Variants in SPINDOC observed in about 807,000 individuals in gnomAD.
The protein encoded by SPINDOC is spindlin interactor and repressor of chromatin-binding protein.
A neutral mutation model predicts 30.7 loss-of-function variants in SPINDOC; 13 were observed. The observed-to-expected ratio is 0.42, with a 90% CI of 0.28 to 0.67. SPINDOC has a LOEUF of 0.67. SPINDOC is among the 30% of genes least tolerant of loss of function. SPINDOC has a pLI of 0.22. For missense variants in SPINDOC, 438 were observed against 518.0 expected (o/e 0.85, Z 1.50); for synonymous variants, 228 against 211.4 (o/e 1.08, Z -0.68).
At chr11:63,815,735 G>A (rs1362898474) in intron 1 of SPINDOC, among the ~76,000 whole-genome samples, 1 of 151,970 alleles carries the variant, frequency 6.6e-6, no homozygotes, top group Non-Finnish European at 1.5e-5. Context: ...TGGAGATACA[G>A]ATGCAAAACA....
At chr11:63,824,756 T>C in intron 5 of SPINDOC, among the ~76,000 whole-genome samples, 1 of 124,126 alleles carries the variant, frequency 8.1e-6, no homozygotes, top group African/African-American at 2.6e-5. Flanking sequence ...AGAGCGAGAC[T>C]CCATCTCAAA....
chr11:63,824,173 G>GT (rs989398939), intron 5 of SPINDOC, among the ~76,000 whole-genome samples: 1 of 149,442 alleles, frequency 6.7e-6, no homozygotes, highest in African/African-American at 2.5e-5. Context: ...GCCTCCCAAA[G>GT]TGCTGGGATT....
At chr11:63,826,483 G>A (rs1180016989) in intron 5 of SPINDOC, among the ~76,000 whole-genome samples, 2 of 152,172 alleles carry the variant, frequency 1.3e-5, no homozygotes, top group African/African-American at 2.4e-5. Flanking sequence ...TCCCTCATGA[G>A]CTCCTTGGTG....
chr11:63,813,788 T>G lies in SPINDOC; in HGVS notation c.102T>G (p.Ile34Met). Residue 34 changes from isoleucine to methionine, a missense_variant, in exon 1 of 6, where the codon ATT becomes ATG. Physicochemically the swap from Ile to Met is conservative, Grantham distance 10. Transcript: ENST00000294244. ...DEEEAMVVAV[I>M]PRPEPMLRVT... ...AGGAGGCCATGGTGGTGGCCGTAATTCCGCGGCCCGAGCCGATGCTCAGAG... is the reference window on the plus strand; with the variant it reads ...AGGAGGCCATGGTGGTGGCCGTAATGCCGCGGCCCGAGCCGATGCTCAGAG... 1 of 1,583,168 alleles carries G rather than the reference T, an allele frequency of 6.3e-7. No individual in the cohort carries two copies. The highest frequency in any genetic ancestry group is 8.6e-7 in the Non-Finnish European group (1 of 1,166,140).
At position 63,818,502 on chromosome 11, in the gene SPINDOC, G is replaced by C; in HGVS notation, c.608-25G>C. ...GGTTCGGGGATGGCCTCTTTAAAAGGGTATGAGGTCTTTTCTTTTTGCAGC... is the reference window on the plus strand; with the variant it reads ...GGTTCGGGGATGGCCTCTTTAAAAGCGTATGAGGTCTTTTCTTTTTGCAGC... On this transcript the variant is annotated intron_variant, in intron 3 of 5. Transcript: ENST00000294244. This position sits in a 1 kb window ranked among gnomAD's most constrained non-coding sequence, Gnocchi z 5.3. 1 of 1,609,892 alleles carries C rather than the reference G, an allele frequency of 6.2e-7. No individual in the cohort carries two copies.
intron 5 of SPINDOC, 44 bp from the exon 6 acceptor site, chr11:63,826,884 T>G (rs1590939454): frequency 1.0e-6 from 1 of 952,580 alleles, no homozygotes; most frequent in South Asian, 1.3e-5. Flanking sequence ...CGTGGTGGGG[T>G]GTCTGGGGGG....
intron 5 of SPINDOC, chr11:63,822,522 G>C: frequency 1.1e-6 from 1 of 937,044 alleles, no homozygotes; most frequent in Non-Finnish European, 1.5e-6. Flanking sequence ...GTGTGTTTGC[G>C]TGTGTGTGTA....
At chr11:63,820,864 T>G (rs999547195) in intron 5 of SPINDOC, among the ~76,000 whole-genome samples, 17 of 114,232 alleles carry the variant, frequency 1.5e-4, no homozygotes, top group Admixed American at 1.4e-4. Flanking sequence ...CACTCCAGCC[T>G]GGGCGACAGA....
At chr11:63,823,013 C>T (rs1406715799) in intron 5 of SPINDOC, 51 of 1,049,520 alleles carry the variant, frequency 4.9e-5, no homozygotes, top group Non-Finnish European at 4.9e-5. Context: ...TTGGAGATGC[C>T]TGGGAAACCA....
Position 63,818,920 on chromosome 11 carries a change from C to T in SPINDOC, c.852C>T (p.Leu284=), listed in dbSNP as rs1371634351. The change falls in exon 5 of 6, where the codon CTC becomes CTT. Residue 284 remains leucine, a synonymous_variant. Coordinates refer to ENST00000294244, the MANE Select transcript of SPINDOC (RefSeq NM_138471.3). The surrounding 1 kb of genome is among the most constrained non-coding windows in gnomAD (Gnocchi z 5.3). ...FVLQLFSHTQ[L]RGPDSKDSPK... ...TGCAGCTCTTCTCCCACACCCAGCT[C>T]AGGGGCCCAGACAGCAAGGACTCAC... The T allele has an allele frequency of 6.2e-7, 1 of 1,614,202 alleles. No individual in the cohort carries two copies. The highest frequency in any genetic ancestry group is 1.1e-5 in the South Asian group (1 of 91,086).
Position 63,818,561 on chromosome 11 carries a change from C to T in SPINDOC, c.642C>T (p.Pro214=). The change falls in exon 4 of 6, where the codon CCC becomes CCT. Residue 214 remains proline, a synonymous_variant. Transcript: ENST00000294244. This position sits in a 1 kb window ranked among gnomAD's most constrained non-coding sequence, Gnocchi z 5.3. Reference sequence around the variant, plus strand: ...CCACAGAGCCAGGAAATAAGAAGCCCCGTGGTCAGAGATGGAAGGAACCCC... The same window carrying T: ...CCACAGAGCCAGGAAATAAGAAGCCTCGTGGTCAGAGATGGAAGGAACCCC... ...VPATEPGNKK[P]RGQRWKEPPG... is the part of the protein sequence containing the mutation. 1 of 1,613,356 alleles carries T rather than the reference C, an allele frequency of 6.2e-7. No homozygotes were observed. The highest frequency in any genetic ancestry group is 8.5e-7 in the Non-Finnish European group (1 of 1,180,008).
Position 63,817,791 on chromosome 11 carries a change from C to G in SPINDOC, c.128-14C>G, listed in dbSNP as rs763893784. The G allele has an allele frequency of 1.4e-5, 21 of 1,544,502 alleles. No individual in the cohort carries two copies. The South Asian group carries it at 1.9e-4, about 14-fold the overall frequency. ...CACCTTTAGTGATAACACCCTCCCC[C>G]TCTCCCCTCGCAGTGACCCAACAGG... On this transcript the variant is annotated splice_polypyrimidine_tract_variant and intron_variant, in intron 1 of 5. Coordinates refer to ENST00000294244, the MANE Select transcript of SPINDOC (RefSeq NM_138471.3).
intron 5 of SPINDOC, chr11:63,822,597 C>T: frequency 7.8e-7 from 1 of 1,288,990 alleles, no homozygotes; most frequent in Non-Finnish European, 1.0e-6. Flanking sequence ...AGGCCTCACC[C>T]CTTCACGTAG....
rs1159989892 is a variant in SPINDOC, at chr11:63,818,450, G to A, written c.608-77G>A. On this transcript the variant is annotated intron_variant, in intron 3 of 5. Coordinates refer to ENST00000294244, the MANE Select transcript of SPINDOC (RefSeq NM_138471.3). The surrounding 1 kb of genome is among the most constrained non-coding windows in gnomAD (Gnocchi z 5.3). Reference sequence around the variant, plus strand: ...AATACAGGCCCTGTGTTCTGGGCAGGTATCTTCAGGAGCCCTGGGGTGGCA... The same window carrying A: ...AATACAGGCCCTGTGTTCTGGGCAGATATCTTCAGGAGCCCTGGGGTGGCA... The A allele has an allele frequency of 3.7e-6, 6 of 1,604,038 alleles. No homozygotes were observed. In the African/African-American group the frequency reaches 8.0e-5, roughly 22 times the overall value.
chr11:63,825,786 G>A (rs919532437), intron 5 of SPINDOC, among the ~76,000 whole-genome samples: 1 of 152,044 alleles, frequency 6.6e-6, no homozygotes, highest in Non-Finnish European at 1.5e-5. Flanking sequence ...CCAGCACATC[G>A]CACAGCAAAA....
rs73492253 is a variant in SPINDOC, at chr11:63,815,554, T to C, written c.127+1741T>C. ...AGATTTCCTGGAAGTATCTAGCTAG[T>C]GGCGTAAACAGAAATTGCCAGCAGG... On this transcript the variant is annotated intron_variant, in intron 1 of 5. Coordinates refer to ENST00000294244, the MANE Select transcript of SPINDOC (RefSeq NM_138471.3). Among the ~76,000 whole-genome samples the C allele has an allele frequency of 5.3e-3, 811 of 152,276 alleles. 8 individuals carry two copies. The highest frequency in any genetic ancestry group is 0.018 in the African/African-American group (758 of 41,548).
In SPINDOC at chr11:63,817,789, C is replaced by A. The variant is rs1230327880; in HGVS notation, c.128-16C>A. 3 of 1,540,222 alleles carry A rather than the reference C, an allele frequency of 1.9e-6. No individual in the cohort carries two copies. Among genetic ancestry groups the A allele is most frequent in the Non-Finnish European group, 1.8e-6 (2 of 1,141,184 alleles). On this transcript the variant is annotated splice_polypyrimidine_tract_variant and intron_variant, in intron 1 of 5. Coordinates refer to ENST00000294244, the MANE Select transcript of SPINDOC (RefSeq NM_138471.3). ...GGCACCTTTAGTGATAACACCCTCC[C>A]CCTCTCCCCTCGCAGTGACCCAACA...
At chr11:63,823,633 T>A (rs2015585297) in intron 5 of SPINDOC, among the ~76,000 whole-genome samples, 1 of 152,184 alleles carries the variant, frequency 6.6e-6, no homozygotes, top group African/African-American at 2.4e-5. Flanking sequence ...TCTCGCTCTG[T>A]CGCCCAGGCT....
chr11:63,821,705 C>A (rs530157798), intron 5 of SPINDOC, among the ~76,000 whole-genome samples: 2 of 152,300 alleles, frequency 1.3e-5, no homozygotes, highest in South Asian at 4.1e-4. Context: ...TGATGGCCAA[C>A]GAGGTGGCTG....
Sources: gnomAD v4.1 joint callset for allele counts (sites outside exome capture counted in the v4.1 genomes callset) on GRCh38, gnomAD v4.1.1 for gene constraint, Gnocchi (gnomAD v3.1) non-coding constraint, MANE v1.5 for transcripts, NCBI Gene and HGNC (gene_info 2026-07-23, HGNC 2026-07-21) for gene names.